The following RTL4 variants were observed in gnomAD, a reference collection of about 807,000 sequenced individuals.
RTL4 encodes retrotransposon Gag like 4.
RTL4 carries 4 observed loss-of-function variants against 5.3 expected under a neutral mutation model. The ratio of observed to expected loss-of-function variants is 0.75; its 90% CI spans 0.37 to 1.72. The LOEUF is 1.72. Ranked by LOEUF, RTL4 falls within the 40% of genes most tolerant of loss-of-function variation. RTL4 has a pLI of 0.04. For synonymous variants in RTL4, 98 were observed against 87.3 expected (o/e 1.12, Z -0.68); for missense variants, 260 against 227.1 (o/e 1.14, Z -0.93).
chrX:112,312,880 T>C, the RTL4 span, among the ~76,000 whole-genome samples: 7,266 of 110,502 alleles, frequency 0.066, 456 homozygotes, highest in African/African-American at 0.19. Flanking sequence ...TCTTCCCCCA[T>C]CCCTTTTCCT....
the RTL4 span, among the ~76,000 whole-genome samples, chrX:112,303,237 T>C: frequency 9.0e-6 from 1 of 111,666 alleles, no homozygotes; most frequent in Non-Finnish European, 1.9e-5. Context: ...TTGTAAATGA[T>C]TGTATACCAA....
chrX:112,194,173 G>T, the RTL4 span, among the ~76,000 whole-genome samples: 2 of 111,987 alleles, frequency 1.8e-5, no homozygotes, highest in Non-Finnish European at 3.8e-5. Context: ...CTAATTTAAT[G>T]TAATTATTTT....
chrX:112,370,977 T>C, the RTL4 span, among the ~76,000 whole-genome samples: 1 of 109,981 alleles, frequency 9.1e-6, no homozygotes. Context: ...TTGAAACTGT[T>C]GAGGTATATT....
At chrX:112,308,045 C>T in the RTL4 span, among the ~76,000 whole-genome samples, 2 of 111,507 alleles carry the variant, frequency 1.8e-5, no homozygotes, top group African/African-American at 6.5e-5. Context: ...CTCTCTAGTA[C>T]TATTTGATAT....
chrX:112,329,598 C>T, the RTL4 span, among the ~76,000 whole-genome samples: 2 of 110,451 alleles, frequency 1.8e-5, no homozygotes, highest in African/African-American at 3.3e-5. Flanking sequence ...GAACTGGTAC[C>T]ATTCCTTCTG....
the RTL4 span, among the ~76,000 whole-genome samples, chrX:112,294,613 A>G: frequency 9.0e-6 from 1 of 111,276 alleles, no homozygotes; most frequent in South Asian, 3.8e-4. Flanking sequence ...AACAAACCAA[A>G]CCAAAACAAA....
At chrX:112,381,515 T>G in the RTL4 span, 1 of 1,191,981 alleles carries the variant, frequency 8.4e-7, no homozygotes. Context: ...CTTTCTGGAA[T>G]ACCTGACTAA....
the RTL4 span, among the ~76,000 whole-genome samples, chrX:112,204,237 C>T: frequency 1.5e-4 from 17 of 112,060 alleles, no homozygotes; most frequent in African/African-American, 5.2e-4. Context: ...GAATGTACAA[C>T]CACTATGGAG....
the RTL4 span, among the ~76,000 whole-genome samples, chrX:112,245,098 C>T: frequency 8.0e-5 from 9 of 111,981 alleles, no homozygotes; most frequent in African/African-American, 2.9e-4. Flanking sequence ...TTGTGGGTAA[C>T]CTGACCTTTG....
chrX:112,097,565 G>A, the RTL4 span, among the ~76,000 whole-genome samples: 8 of 111,495 alleles, frequency 7.2e-5, no homozygotes, highest in African/African-American at 2.3e-4. Flanking sequence ...GAGCCTGTCA[G>A]GTAGAGGTTG....
At chrX:112,273,106 G>A in the RTL4 span, among the ~76,000 whole-genome samples, 4 of 111,784 alleles carry the variant, frequency 3.6e-5, no homozygotes, top group African/African-American at 1.3e-4. Context: ...GTGAATTGTA[G>A]CATCCTGTAA....
chrX:112,174,865 C>T, the RTL4 span, among the ~76,000 whole-genome samples: 1 of 93,199 alleles, frequency 1.1e-5, no homozygotes, highest in Admixed American at 1.3e-4. Context: ...TGTCTTTTGG[C>T]TGCATAAATG....
chrX:112,393,000 GTC>G, the RTL4 span, among the ~76,000 whole-genome samples: 3,712 of 110,494 alleles, frequency 0.034, 165 homozygotes, highest in African/African-American at 0.12. Context: ...GAGGTTTGAA[GTC>G]TCTGTTGGCC....
the RTL4 span, among the ~76,000 whole-genome samples, chrX:112,177,376 G>T: frequency 9.0e-6 from 1 of 110,940 alleles, no homozygotes; most frequent in African/African-American, 3.3e-5. Context: ...ATTCAGACTG[G>T]GGTGAGGTCA....
the RTL4 span, among the ~76,000 whole-genome samples, chrX:112,107,016 T>C: frequency 2.9e-4 from 33 of 111,938 alleles, no homozygotes; most frequent in Non-Finnish European, 5.3e-4. Flanking sequence ...AGTTTTTTAG[T>C]TTGATGTAAT....
At chrX:112,387,022 T>A in the RTL4 span, among the ~76,000 whole-genome samples, 3 of 111,313 alleles carry the variant, frequency 2.7e-5, no homozygotes, top group Admixed American at 1.9e-4. Context: ...CATCTATTTT[T>A]TTTTTATTTT....
At chrX:112,357,418 A>T in the RTL4 span, among the ~76,000 whole-genome samples, 2 of 111,727 alleles carry the variant, frequency 1.8e-5, no homozygotes, top group Middle Eastern at 4.6e-3. Flanking sequence ...GGAAGAGGGG[A>T]TTAAGCCAAC....
chrX:112,225,633 G>A, the RTL4 span, among the ~76,000 whole-genome samples: 2 of 111,828 alleles, frequency 1.8e-5, no homozygotes, highest in African/African-American at 3.3e-5. Context: ...ACAGAATGAT[G>A]AGTGGAGGCA....
the RTL4 span, among the ~76,000 whole-genome samples, chrX:112,418,156 A>G: frequency 9.0e-6 from 1 of 111,719 alleles, no homozygotes; most frequent in East Asian, 2.8e-4. Context: ...TCAAAAAAAC[A>G]AATAAACAAA....
Sources: allele counts gnomAD v4.1 joint callset (sites outside exome capture counted in the v4.1 genomes callset), GRCh38; gene constraint gnomAD v4.1.1; transcripts MANE v1.5; gene names NCBI Gene and HGNC (gene_info 2026-07-23, HGNC 2026-07-21).